Variants in LINGO2 observed in about 807,000 individuals in gnomAD.
The protein encoded by LINGO2 is leucine rich repeat and Ig domain containing 2.
In LINGO2, 14 loss-of-function variants were observed where a neutral mutation model predicts 30.6. That is an observed-to-expected ratio of 0.46 (90% CI 0.30 to 0.72). The LOEUF (loss-of-function observed/expected upper bound fraction) is 0.72, where lower values mean the gene tolerates loss of function less well. LINGO2 is among the 30% of genes least tolerant of loss of function. The pLI, the probability that LINGO2 is intolerant of heterozygous loss-of-function variation, is 0.07. For synonymous variants in LINGO2, 317 were observed against 288.5 expected, an observed-to-expected ratio of 1.10 and a Z score of -1.00; for missense variants, 729 against 751.7, an observed-to-expected ratio of 0.97 and a Z score of 0.35.
the LINGO2 span, among the ~76,000 whole-genome samples, chr9:29,083,257 A>T: frequency 6.6e-6 from 1 of 152,180 alleles, no homozygotes; most frequent in East Asian, 1.9e-4. Context: ...GCAGCCATAA[A>T]AAAGGATGAG....
At chr9:28,990,173 G>T in the LINGO2 span, among the ~76,000 whole-genome samples, 2 of 152,006 alleles carry the variant, frequency 1.3e-5, no homozygotes, top group Non-Finnish European at 2.9e-5. Flanking sequence ...TTTCTGACAG[G>T]ATTAAAAAAA....
chr9:28,141,988 C>A (rs1341634153), intron 4 of LINGO2, among the ~76,000 whole-genome samples: 1 of 152,130 alleles, frequency 6.6e-6, no homozygotes, highest in African/African-American at 2.4e-5. Flanking sequence ...AAAAATGCAT[C>A]AATTTTCTGC....
the LINGO2 span, among the ~76,000 whole-genome samples, chr9:28,796,090 A>C: frequency 6.6e-6 from 1 of 150,974 alleles, no homozygotes; most frequent in South Asian, 2.1e-4. Flanking sequence ...ATAGTGCACA[A>C]AAAAAAAACC....
At chr9:28,028,782 G>A (rs1032760753) in intron 4 of LINGO2, among the ~76,000 whole-genome samples, 1 of 151,962 alleles carries the variant, frequency 6.6e-6, no homozygotes, top group Non-Finnish European at 1.5e-5. Flanking sequence ...ATGAGCAGTT[G>A]GTTGAATCCA....
intron 1 of LINGO2, among the ~76,000 whole-genome samples, chr9:28,556,556 A>C (rs1822709283): frequency 6.6e-6 from 1 of 152,130 alleles, no homozygotes; most frequent in Non-Finnish European, 1.5e-5. Flanking sequence ...AATATCGTGA[A>C]AATGGCCATA....
intron 4 of LINGO2, among the ~76,000 whole-genome samples, chr9:28,127,390 A>T (rs1469331492): frequency 6.6e-6 from 1 of 152,228 alleles, no homozygotes; most frequent in African/African-American, 2.4e-5. Flanking sequence ...AGCCTCAGTC[A>T]AGATGCCCTC....
intron 2 of LINGO2, among the ~76,000 whole-genome samples, chr9:28,402,860 T>G (rs1822329323): frequency 6.6e-6 from 1 of 152,120 alleles, no homozygotes; most frequent in African/African-American, 2.4e-5. Flanking sequence ...CACCTTACAC[T>G]TTTAGCCTTT....
chr9:28,800,051 G>A, the LINGO2 span, among the ~76,000 whole-genome samples: 1,183 of 152,048 alleles, frequency 7.8e-3, 11 homozygotes, highest in Non-Finnish European at 9.1e-3. Context: ...AGATTCTATG[G>A]TATTTGACAT....
At chr9:29,077,787 C>T in the LINGO2 span, among the ~76,000 whole-genome samples, 3 of 151,516 alleles carry the variant, frequency 2.0e-5, no homozygotes, top group East Asian at 5.8e-4. Context: ...TGTGGGGAAA[C>T]ATATCAACCA....
At chr9:28,285,567 G>T (rs1823478602) in intron 4 of LINGO2, among the ~76,000 whole-genome samples, 1 of 151,720 alleles carries the variant, frequency 6.6e-6, no homozygotes, top group African/African-American at 2.4e-5. Flanking sequence ...CACCATGCCT[G>T]GCTAATTTTT....
intron 2 of LINGO2, among the ~76,000 whole-genome samples, chr9:28,475,410 T>C (rs1825689935): frequency 6.6e-6 from 1 of 152,128 alleles, no homozygotes; most frequent in Admixed American, 6.6e-5. Flanking sequence ...AGCATATGAT[T>C]TAAAGGCAAG....
intron 2 of LINGO2, among the ~76,000 whole-genome samples, chr9:28,391,121 T>C (rs1821812566): frequency 6.6e-6 from 1 of 152,186 alleles, no homozygotes; most frequent in Non-Finnish European, 1.5e-5. Flanking sequence ...AATCTAGTTT[T>C]ATTTTTAATT....
chr9:29,082,571 A>C, the LINGO2 span, among the ~76,000 whole-genome samples: 7 of 152,184 alleles, frequency 4.6e-5, no homozygotes, highest in Admixed American at 3.9e-4. Flanking sequence ...AAAAGCCAAA[A>C]TTGAAAAATG....
At chr9:28,389,848 A>T (rs936986563) in intron 2 of LINGO2, among the ~76,000 whole-genome samples, 24 of 152,196 alleles carry the variant, frequency 1.6e-4, no homozygotes, top group Non-Finnish European at 4.4e-5. Flanking sequence ...GACACAATAA[A>T]TTTCTGATTT....
At chr9:28,089,715 A>G (rs1394891606) in intron 4 of LINGO2, among the ~76,000 whole-genome samples, 1 of 152,238 alleles carries the variant, frequency 6.6e-6, no homozygotes, top group Non-Finnish European at 1.5e-5. Context: ...AACTAAGATC[A>G]GAACAGAACT....
intron 4 of LINGO2, among the ~76,000 whole-genome samples, chr9:28,283,613 G>A (rs921608893): frequency 6.6e-6 from 1 of 152,056 alleles, no homozygotes. Flanking sequence ...TCAAAAAGAG[G>A]ATACTTTGGG....
chr9:27,982,634 A>G (rs994703581), intron 5 of LINGO2, among the ~76,000 whole-genome samples: 1 of 151,906 alleles, frequency 6.6e-6, no homozygotes, highest in Non-Finnish European at 1.5e-5. Context: ...CACACAGCTA[A>G]TAAGTGGCAA....
the LINGO2 span, among the ~76,000 whole-genome samples, chr9:28,713,985 CTG>C: frequency 6.6e-6 from 1 of 151,792 alleles, no homozygotes; most frequent in Admixed American, 6.6e-5. Context: ...TGGCAAAACT[CTG>C]TCTCTACTAA....
intron 2 of LINGO2, among the ~76,000 whole-genome samples, chr9:28,457,863 T>G (rs1487366671): frequency 2.6e-5 from 4 of 152,272 alleles, no homozygotes; most frequent in Admixed American, 1.3e-4. Context: ...TCTTTTCCCC[T>G]CATATAAAAA....
Sources: gnomAD v4.1 joint callset for allele counts (sites outside exome capture counted in the v4.1 genomes callset) on GRCh38, gnomAD v4.1.1 for gene constraint, MANE v1.5 for transcripts, NCBI Gene and HGNC (gene_info 2026-07-23, HGNC 2026-07-21) for gene names.